IQGAP2: variants seen among roughly 807,000 people sequenced by gnomAD.
IQGAP2 encodes the protein ras GTPase-activating-like protein IQGAP2.
Under a neutral mutation model 201.3 loss-of-function variants are expected in IQGAP2, and 173 were observed. The observed-to-expected ratio is 0.86, with a 90% CI of 0.76 to 0.98. The LOEUF (loss-of-function observed/expected upper bound fraction) is 0.98. Ranked by LOEUF, IQGAP2 falls within the 50% of genes least tolerant of loss-of-function variation. The probability of loss-of-function intolerance (pLI) is 0.00; values close to 1 mark genes in which losing one functional copy is unlikely to be tolerated. For synonymous variants in IQGAP2, 675 were observed against 673.9 expected (o/e 1.00, Z -0.03); for missense variants, 1,687 against 1,864.8 (o/e 0.90, Z 1.76).
At chr5:76,494,191 T>C (rs1413080448) in intron 2 of IQGAP2, among the ~76,000 whole-genome samples, 1 of 152,246 alleles carries the variant, frequency 6.6e-6, no homozygotes, top group Non-Finnish European at 1.5e-5. Context: ...ATATTTTACC[T>C]GTTATTTGTT....
At chr5:76,585,639 C>T (rs1186647766) in intron 5 of IQGAP2, among the ~76,000 whole-genome samples, 1 of 151,920 alleles carries the variant, frequency 6.6e-6, no homozygotes, top group Non-Finnish European at 1.5e-5. Context: ...CTCAGCCTCC[C>T]GAGTAGTTGG....
At chr5:76,707,078 T>C in intron 35 of IQGAP2, 122 bp from the exon 36 acceptor site, 2 of 635,532 alleles carry the variant, frequency 3.1e-6, no homozygotes, top group South Asian at 3.7e-5. Flanking sequence ...GCAACATAGT[T>C]AGACCCCACC....
At chr5:76,587,346 G>A (rs546996772) in intron 5 of IQGAP2, among the ~76,000 whole-genome samples, 2 of 144,962 alleles carry the variant, frequency 1.4e-5, no homozygotes, top group East Asian at 4.0e-4. Context: ...TAACAAATAC[G>A]AAATATGCAC....
intron 20 of IQGAP2, 56 bp downstream of exon 20, chr5:76,655,059 A>G (rs1752805532): frequency 8.9e-7 from 1 of 1,122,012 alleles, no homozygotes; most frequent in Non-Finnish European, 1.4e-6. Flanking sequence ...AGGCAAGGAC[A>G]TATTGGTCCA....
chr5:76,431,054 A>G (rs960974145), intron 1 of IQGAP2, among the ~76,000 whole-genome samples: 1 of 152,134 alleles, frequency 6.6e-6, no homozygotes, highest in African/African-American at 2.4e-5. Context: ...GCAATGATTC[A>G]TGAGTATTTT....
At chr5:76,607,439 C>A (rs1206468965) in intron 12 of IQGAP2, 2 of 152,196 alleles carry the variant, frequency 1.3e-5, no homozygotes, top group Non-Finnish European at 2.9e-5. Flanking sequence ...ACCACTGTTA[C>A]ACTGATCCCT....
At chr5:76,614,540 T>C (rs1748724125) in intron 13 of IQGAP2, among the ~76,000 whole-genome samples, 1 of 152,144 alleles carries the variant, frequency 6.6e-6, no homozygotes, top group Admixed American at 6.5e-5. Flanking sequence ...CCTGTTCTTT[T>C]TTCTTGGAAA....
intron 2 of IQGAP2, among the ~76,000 whole-genome samples, chr5:76,540,646 A>G: frequency 6.6e-6 from 1 of 152,204 alleles, no homozygotes; most frequent in East Asian, 1.9e-4. Flanking sequence ...GAAAAGACCA[A>G]TTTGAGGGTG....
At chr5:76,660,613 A>G (rs1373907335) in intron 21 of IQGAP2, among the ~76,000 whole-genome samples, 1 of 152,246 alleles carries the variant, frequency 6.6e-6, no homozygotes, top group Non-Finnish European at 1.5e-5. Context: ...AAGTTATCAG[A>G]TTTTTATGAA....
intron 1 of IQGAP2, chr5:76,404,310 C>G (rs1561346235): frequency 4.4e-6 from 1 of 226,968 alleles, no homozygotes; most frequent in Non-Finnish European, 7.3e-6. Flanking sequence ...GGGCTGCCCT[C>G]GGAAATAGGT....
intron 13 of IQGAP2, among the ~76,000 whole-genome samples, chr5:76,620,508 A>G (rs1749545716): frequency 6.6e-6 from 1 of 152,160 alleles, no homozygotes; most frequent in Non-Finnish European, 1.5e-5. Flanking sequence ...AGAAGCTACA[A>G]TCTGTTTTTA....
intron 1 of IQGAP2, among the ~76,000 whole-genome samples, chr5:76,453,193 T>C (rs1183465830): frequency 6.6e-6 from 1 of 152,088 alleles, no homozygotes; most frequent in Non-Finnish European, 1.5e-5. Flanking sequence ...GGATTAAAGG[T>C]ATGAGCCACC....
chr5:76,578,872 T>TAAGAG (rs1282865375), intron 5 of IQGAP2, among the ~76,000 whole-genome samples: 1 of 137,348 alleles, frequency 7.3e-6, no homozygotes, highest in Non-Finnish European at 1.6e-5. Flanking sequence ...GGAACCAGTT[T>TAAGAG]AAGAGTGAGA....
chr5:76,621,139 T>C (rs1580639099), intron 13 of IQGAP2, among the ~76,000 whole-genome samples: 1 of 152,194 alleles, frequency 6.6e-6, no homozygotes, highest in African/African-American at 2.4e-5. Context: ...TACTTGAAGT[T>C]AGTGTTTAGT....
At chr5:76,693,621 A>G (rs1183259423) in intron 31 of IQGAP2, among the ~76,000 whole-genome samples, 179 bp downstream of exon 31, 2 of 152,232 alleles carry the variant, frequency 1.3e-5, no homozygotes, top group South Asian at 2.1e-4. Context: ...TGAAGTATCA[A>G]TGGGAATGAA....
intron 9 of IQGAP2, among the ~76,000 whole-genome samples, chr5:76,593,247 G>A (rs1185775844): frequency 6.6e-6 from 1 of 152,196 alleles, no homozygotes; most frequent in Non-Finnish European, 1.5e-5. Context: ...ATAATTTACA[G>A]ATTGTAGTTG....
chr5:76,508,053 G>T (rs1224953412), intron 2 of IQGAP2, among the ~76,000 whole-genome samples: 1 of 144,026 alleles, frequency 6.9e-6, no homozygotes, highest in Non-Finnish European at 1.5e-5. Flanking sequence ...AACAGGGGCT[G>T]GGTGCAGTGG....
intron 2 of IQGAP2, among the ~76,000 whole-genome samples, chr5:76,553,419 G>T (rs1247605948): frequency 6.6e-6 from 1 of 152,180 alleles, no homozygotes; most frequent in Non-Finnish European, 1.5e-5. Flanking sequence ...TTGGCCAGCA[G>T]TTCTACCGTC....
At chr5:76,688,985 C>T (rs1369428252) in intron 30 of IQGAP2, among the ~76,000 whole-genome samples, 15 of 151,826 alleles carry the variant, frequency 9.9e-5, no homozygotes, top group Admixed American at 1.3e-4. Context: ...TACAACTTGT[C>T]GAGGGCAAGG....
Sources: gnomAD v4.1 joint callset for allele counts (sites outside exome capture counted in the v4.1 genomes callset) on GRCh38, gnomAD v4.1.1 for gene constraint, MANE v1.5 for transcripts, NCBI Gene and HGNC (gene_info 2026-07-23, HGNC 2026-07-21) for gene names.